Variants in CBL observed in about 807,000 individuals in gnomAD.
CBL encodes Cbl proto-oncogene.
A neutral mutation model predicts 96.9 loss-of-function variants in CBL; 45 were observed. The ratio of observed to expected loss-of-function variants is 0.46; its 90% CI spans 0.37 to 0.60. CBL has a LOEUF of 0.60. Among genes scored for constraint, CBL ranks in the 20% least tolerant of loss-of-function variants. The pLI is 0.00. For missense variants in CBL, 1,024 were observed against 1,143.5 expected, an observed-to-expected ratio of 0.90 and a Z score of 1.51; for synonymous variants, 420 against 426.8, an observed-to-expected ratio of 0.98 and a Z score of 0.20.
chr11:119,241,426 G>A (rs556957025), intron 2 of CBL, among the ~76,000 whole-genome samples: 8 of 151,914 alleles, frequency 5.3e-5, no homozygotes, highest in Admixed American at 2.6e-4. Context: ...GTAGGAAAAG[G>A]AAAAAAAATT....
At position 119,305,371 on chromosome 11, in the gene CBL, GTTTA is replaced by G. The variant is rs1330837255; in HGVS notation, c.*5595_*5598del. 7 of 231,548 alleles carry G rather than the reference GTTTA, an allele frequency of 3.0e-5. No homozygotes were observed. Among genetic ancestry groups the G allele is most frequent in the Non-Finnish European group, 6.0e-5 (7 of 116,978 alleles). The allele number at this position is 231,548 out of a possible 1,614,324, so 14.3% of individuals were successfully genotyped here. On this transcript the variant is annotated 3_prime_UTR_variant, in exon 16 of 16. Coordinates refer to ENST00000264033, the MANE Select transcript of CBL (RefSeq NM_005188.4). Reference sequence around the variant, plus strand: ...CCTCAGGTCTTTTGCCTTCTTCCGTGTTTATTTAGAGAGCAGAATCTAATAACGG... The same window carrying G: ...CCTCAGGTCTTTTGCCTTCTTCCGTGTTTAGAGAGCAGAATCTAATAACGG...
At chr11:119,221,319 A>G (rs952203805) in intron 1 of CBL, among the ~76,000 whole-genome samples, 1 of 151,794 alleles carries the variant, frequency 6.6e-6, no homozygotes, top group African/African-American at 2.4e-5. Flanking sequence ...TGCGAGGTTG[A>G]GGTGGGCGGA....
At chr11:119,266,263 A>G (rs58035988) in intron 2 of CBL, among the ~76,000 whole-genome samples, 2,315 of 152,214 alleles carry the variant, frequency 0.015, 52 homozygotes, top group African/African-American at 0.052. Context: ...GAGTTACAAG[A>G]TAACTTTTTC....
chr11:119,237,683 A>G lies in CBL; in HGVS notation c.443+4988A>G, dbSNP rs543977426. The stretch of plus-strand genomic sequence containing the variant: ...CTTGTTGCCATTTTAGGAAGGAAGT[A>G]AGTTGACCATAAGTGTAAGGGTTTA... On this transcript the variant is annotated intron_variant, in intron 2 of 15. Transcript: ENST00000264033. Among the ~76,000 whole-genome samples the G allele has an allele frequency of 1.1e-4, 16 of 152,306 alleles. 1 individual carries two copies. The South Asian group carries it at 2.9e-3, about 28-fold the overall frequency.
chr11:119,237,932 C>T lies in CBL; in HGVS notation c.443+5237C>T, dbSNP rs531093056. 8.8e-4 allele frequency among the ~76,000 whole-genome samples: 134 copies of T among 151,838 alleles called. 1 individual carries two copies. Among genetic ancestry groups the T allele is most frequent in the Non-Finnish European group, 1.5e-3 (100 of 67,876 alleles). On this transcript the variant is annotated intron_variant, in intron 2 of 15. Coordinates refer to ENST00000264033, the MANE Select transcript of CBL (RefSeq NM_005188.4). Reference sequence around the variant, plus strand: ...TGTCACCCAGGCTGGAGTGCAGTGGCGCCATCTTGGCTCACTGCAACCTCT... The same window carrying T: ...TGTCACCCAGGCTGGAGTGCAGTGGTGCCATCTTGGCTCACTGCAACCTCT...
At chr11:119,239,709 GAGATTTTTGTAA>G (rs1277165692) in intron 2 of CBL, among the ~76,000 whole-genome samples, 2 of 151,938 alleles carry the variant, frequency 1.3e-5, no homozygotes, top group Non-Finnish European at 2.9e-5. Flanking sequence ...TATTAGCTGT[GAGATTTTTGTAA>G]AGGCTTTTCA....
chr11:119,289,587 T>G (rs1405433680), intron 12 of CBL: 1 of 151,982 alleles, frequency 6.6e-6, no homozygotes, highest in East Asian at 1.9e-4. Flanking sequence ...TTGATGAATT[T>G]GTGTGTCATC....
rs1950163198 is a variant in CBL, at chr11:119,308,024, G to C, written c.*8243G>C. ...CCAGTGTATTAATGTTTAGAAGTCT[G>C]TTTTACTAATGTTATTTATTAATTT... On this transcript the variant is annotated 3_prime_UTR_variant, in exon 16 of 16. Transcript: ENST00000264033. 1 of 186,496 alleles carries C rather than the reference G, an allele frequency of 5.4e-6. No homozygotes were observed. The highest frequency in any genetic ancestry group is 6.2e-5 in the Admixed American group (1 of 16,136). The allele number at this position is 186,496 out of a possible 1,614,324, so 11.6% of individuals were successfully genotyped here.
At chr11:119,247,775 G>A (rs973709824) in intron 2 of CBL, among the ~76,000 whole-genome samples, 3 of 152,158 alleles carry the variant, frequency 2.0e-5, no homozygotes, top group African/African-American at 7.2e-5. Flanking sequence ...TCATGCCACT[G>A]CACTTCAACT....
chr11:119,242,318 G>A (rs1326381300), intron 2 of CBL, among the ~76,000 whole-genome samples: 1 of 151,898 alleles, frequency 6.6e-6, no homozygotes, highest in Non-Finnish European at 1.5e-5. Flanking sequence ...CAAGGCGTTG[G>A]ATCACCTGAG....
intron 1 of CBL, 138 bp downstream of exon 1, chr11:119,206,750 G>C: frequency 1.1e-6 from 1 of 877,778 alleles, no homozygotes. Flanking sequence ...GGGGTGACCG[G>C]CCGGGGGCGT....
At chr11:119,293,258 C>T (rs1487378147) in intron 12 of CBL, among the ~76,000 whole-genome samples, 1 of 152,046 alleles carries the variant, frequency 6.6e-6, no homozygotes, top group African/African-American at 2.4e-5. Context: ...GCATGTGCCA[C>T]CACCACGTCT....
In CBL at chr11:119,304,681, C is replaced by G. The variant is rs1591273960; in HGVS notation, c.*4900C>G. On this transcript the variant is annotated 3_prime_UTR_variant, in exon 16 of 16. Transcript: ENST00000264033. ...TCGCTGTGTCGCCCAGGCTGGAGTGCAGTGGTGCAGTCTCAACTCACCACA... is the reference window on the plus strand; with the variant it reads ...TCGCTGTGTCGCCCAGGCTGGAGTGGAGTGGTGCAGTCTCAACTCACCACA... 1 of 206,262 alleles carries G rather than the reference C, an allele frequency of 4.8e-6. No individual in the cohort carries two copies. The highest frequency in any genetic ancestry group is 2.3e-5 in the African/African-American group (1 of 43,676). The allele number at this position is 206,262 out of a possible 1,614,324, so 12.8% of individuals were successfully genotyped here. A position where few individuals can be genotyped will look rare whatever the true frequency, so the allele number is the denominator to read the frequency against.
intron 1 of CBL, 25 bp downstream of exon 1, chr11:119,206,637 T>C: frequency 6.5e-7 from 1 of 1,538,212 alleles, no homozygotes; most frequent in Non-Finnish European, 8.8e-7. Flanking sequence ...GAGCGCCCGC[T>C]GTTGCAGGGT....
intron 6 of CBL, among the ~76,000 whole-genome samples, chr11:119,277,239 G>GCACACACAAACACACACACACACA (rs112214824): frequency 7.2e-6 from 1 of 138,258 alleles, no homozygotes; most frequent in Admixed American, 7.1e-5. Flanking sequence ...AGAATCTGTC[G>GCACACACAAACACACACACACACA]CGCACACACA....
Position 119,246,593 on chromosome 11 carries a change from A to C in CBL, c.443+13898A>C, listed in dbSNP as rs781003659. 2.6e-5 allele frequency among the ~76,000 whole-genome samples: 4 copies of C among 152,182 alleles called. No individual in the cohort carries two copies. The South Asian group carries it at 8.3e-4, about 32-fold the overall frequency. Reference sequence around the variant, plus strand: ...CAGCCTCCCGAGTAGCTGGGACTACAGACGTGTGCCACCACACCTGGCTAA... The same window carrying C: ...CAGCCTCCCGAGTAGCTGGGACTACCGACGTGTGCCACCACACCTGGCTAA... On this transcript the variant is annotated intron_variant, in intron 2 of 15. Coordinates refer to ENST00000264033, the MANE Select transcript of CBL (RefSeq NM_005188.4).
chr11:119,288,848 T>C (rs1259930606), intron 12 of CBL, among the ~76,000 whole-genome samples: 2 of 152,210 alleles, frequency 1.3e-5, no homozygotes, highest in Non-Finnish European at 2.9e-5. Context: ...ATGCGCACAC[T>C]GAGAATAAGG....
intron 2 of CBL, among the ~76,000 whole-genome samples, chr11:119,238,923 C>T (rs748403631): frequency 3.9e-5 from 6 of 152,094 alleles, no homozygotes; most frequent in East Asian, 1.9e-4. Flanking sequence ...TACTGTTTTC[C>T]GCTACATGAA....
rs1950125629 is a variant in CBL, at chr11:119,305,101, A to C, written c.*5320A>C. ...CCACAGACACCCTAAAAAGGCTTCT[A>C]CTCAAGAAGTAAAGCCACTACTCCT... On this transcript the variant is annotated 3_prime_UTR_variant, in exon 16 of 16. Transcript: ENST00000264033. The C allele has an allele frequency of 4.5e-6, 1 of 220,616 alleles. No individual in the cohort carries two copies. The highest frequency in any genetic ancestry group is 1.8e-4 in the South Asian group (1 of 5,416). The allele number at this position is 220,616 out of a possible 1,614,324, so 13.7% of individuals were successfully genotyped here.
Sources: gnomAD v4.1 joint callset for allele counts (sites outside exome capture counted in the v4.1 genomes callset) on GRCh38, gnomAD v4.1.1 for gene constraint, MANE v1.5 for transcripts, NCBI Gene and HGNC (gene_info 2026-07-23, HGNC 2026-07-21) for gene names.